The following CCDC85C variants were observed in gnomAD, a reference collection of about 807,000 sequenced individuals.
CCDC85C encodes the protein coiled-coil domain-containing protein 85C.
CCDC85C carries 18 observed loss-of-function variants against 38.3 expected under a neutral mutation model. The ratio of observed to expected loss-of-function variants is 0.47; its 90% confidence interval spans 0.33 to 0.70. CCDC85C has a LOEUF of 0.70. Among genes scored for constraint, CCDC85C ranks in the 30% least tolerant of loss-of-function variants. The probability of loss-of-function intolerance (pLI) is 0.03; values close to 1 mark genes in which losing one functional copy is unlikely to be tolerated. For missense variants in CCDC85C, 566 were observed against 621.2 expected, an observed-to-expected ratio of 0.91 and a Z score of 0.94; for synonymous variants, 264 against 293.8, an observed-to-expected ratio of 0.90 and a Z score of 1.04.
At chr14:99,571,849 C>T (rs995537891) in intron 1 of CCDC85C, among the ~76,000 whole-genome samples, 13 of 152,160 alleles carry the variant, frequency 8.5e-5, no homozygotes, top group African/African-American at 3.1e-4. Context: ...ACAACAAATC[C>T]CACCTGCCCC....
intron 1 of CCDC85C, among the ~76,000 whole-genome samples, chr14:99,552,597 C>T (rs12883531): frequency 0.53 from 80,624 of 151,852 alleles, 21,578 homozygotes; most frequent in African/African-American, 0.58. Flanking sequence ...TCCTGGCCAG[C>T]TGAAGGTGCT....
chr14:99,529,905 CT>C (rs1426831904), intron 2 of CCDC85C, among the ~76,000 whole-genome samples: 2 of 152,250 alleles, frequency 1.3e-5, no homozygotes, highest in African/African-American at 4.8e-5. Context: ...ACTCCCAGTC[CT>C]TCCCACAATT....
At position 99,502,486 on chromosome 14, in the gene CCDC85C, A is replaced by G. The variant is rs1896857770; in HGVS notation, c.*12760T>C. 7.0e-6 allele frequency: 10 copies of G among 1,434,234 alleles called. No individual in the cohort carries two copies. The African/African-American group carries it at 7.2e-5, about 10-fold the overall frequency. The allele number at this position is 1,434,234 out of a possible 1,614,324, so 88.8% of individuals were successfully genotyped here. A position where few individuals can be genotyped will look rare whatever the true frequency, so the allele number is the denominator to read the frequency against. On this transcript the variant is annotated 3_prime_UTR_variant, in exon 6 of 6. Coordinates refer to ENST00000380243, the MANE Select transcript of CCDC85C (RefSeq NM_001144995.2). ...TTTCCCAGATAGACATATGTGAGCA[A>G]TATTTCAGAAGCATCATTAATTAAA...
At chr14:99,552,373 C>T (rs1291625802) in intron 1 of CCDC85C, among the ~76,000 whole-genome samples, 1 of 152,226 alleles carries the variant, frequency 6.6e-6, no homozygotes, top group Non-Finnish European at 1.5e-5. Context: ...CAGGACCAGG[C>T]CCTTGCAGGG....
rs1000781591 is a variant in CCDC85C, at chr14:99,516,337, G to A, written c.1072-51C>T. 15 of 1,372,190 alleles carry A rather than the reference G, an allele frequency of 1.1e-5. No individual in the cohort carries two copies. Among genetic ancestry groups the A allele is most frequent in the African/African-American group, 5.7e-5 (4 of 69,650 alleles). The allele number at this position is 1,372,190 out of a possible 1,614,324, so 85.0% of individuals were successfully genotyped here. ...GGGGCAGAGGCCACCGGCAGACCTC[G>A]GGCAAGTCACCTGGCCCCTGATCCT... On this transcript the variant is annotated intron_variant, in intron 4 of 5. Transcript: ENST00000380243. The surrounding 1 kb of genome is among the most constrained non-coding windows in gnomAD (Gnocchi z 5.5).
At chr14:99,577,344 G>C (rs1275843625) in intron 1 of CCDC85C, among the ~76,000 whole-genome samples, 1 of 150,564 alleles carries the variant, frequency 6.6e-6, no homozygotes, top group Non-Finnish European at 1.5e-5. Flanking sequence ...AGAGAGGGCT[G>C]ACGGCGTGTC....
At chr14:99,585,031 G>C (rs1030863858) in intron 1 of CCDC85C, among the ~76,000 whole-genome samples, 1 of 152,164 alleles carries the variant, frequency 6.6e-6, no homozygotes, top group South Asian at 2.1e-4. Flanking sequence ...GGAGATGGAG[G>C]CTGCAGTGAG....
Position 99,503,609 on chromosome 14 carries a change from AG to A in CCDC85C, c.*11636del. On this transcript the variant is annotated 3_prime_UTR_variant, in exon 6 of 6. Coordinates refer to ENST00000380243, the MANE Select transcript of CCDC85C (RefSeq NM_001144995.2). ...ACAATTGTGTATTTTCTTTTGTAACAGGTTGTTTCTCCCAAAGAAGAGAACA... is the reference window on the plus strand; with the variant it reads ...ACAATTGTGTATTTTCTTTTGTAACAGTTGTTTCTCCCAAAGAAGAGAACA... 1 of 1,558,614 alleles carries A rather than the reference AG, an allele frequency of 6.4e-7. No homozygotes were observed.
chr14:99,594,602 G>A (rs1178185270), intron 1 of CCDC85C, among the ~76,000 whole-genome samples: 3 of 152,216 alleles, frequency 2.0e-5, no homozygotes, highest in African/African-American at 7.2e-5. Context: ...TAGGACCACT[G>A]AGTGACCGAT....
At chr14:99,534,574 G>T in intron 2 of CCDC85C, 1 of 700,652 alleles carries the variant, frequency 1.4e-6, no homozygotes, top group Non-Finnish European at 2.6e-6. Flanking sequence ...CCAGAGGCAG[G>T]ACTGCCTCTC....
chr14:99,510,562 C>G lies in CCDC85C; in HGVS notation c.*4684G>C. 2.5e-6 allele frequency: 1 copy of G among 402,516 alleles called. No homozygotes were observed. Among genetic ancestry groups the G allele is most frequent in the South Asian group, 1.9e-5 (1 of 51,522 alleles). 24.9% of individuals were successfully genotyped at this position (402,516 alleles called of 1,614,324 possible). ...CCACCCCCTACTCCTGGCTACCCCC[C>G]ACCCCCACCCACCTACAACCCCAAC... On this transcript the variant is annotated 3_prime_UTR_variant, in exon 6 of 6. Coordinates refer to ENST00000380243, the MANE Select transcript of CCDC85C (RefSeq NM_001144995.2).
intron 1 of CCDC85C, among the ~76,000 whole-genome samples, chr14:99,537,596 C>A (rs1897629326): frequency 1.3e-5 from 2 of 152,090 alleles, no homozygotes; most frequent in African/African-American, 2.4e-5. Context: ...AGCCTCCCCT[C>A]CTCCTCCAGC....
intron 1 of CCDC85C, among the ~76,000 whole-genome samples, chr14:99,552,386 G>C (rs148741333): frequency 0.013 from 1,940 of 152,334 alleles, 32 homozygotes; most frequent in African/African-American, 0.044. Flanking sequence ...TTGCAGGGAG[G>C]GGGAGGCGCA....
At chr14:99,541,108 AC>A (rs766680141) in intron 1 of CCDC85C, among the ~76,000 whole-genome samples, 48 of 152,304 alleles carry the variant, frequency 3.2e-4, no homozygotes, top group Non-Finnish European at 5.9e-4. Flanking sequence ...CACCTCTGTG[AC>A]CTTCCTTCCC....
intron 1 of CCDC85C, among the ~76,000 whole-genome samples, chr14:99,586,235 C>T (rs547800426): frequency 9.8e-5 from 15 of 152,340 alleles, no homozygotes; most frequent in African/African-American, 2.6e-4. Flanking sequence ...AGCTCAGAGA[C>T]GCCAGGCCCC....
Position 99,580,128 on chromosome 14 carries a change from G to C in CCDC85C, c.793+23039C>G, listed in dbSNP as rs993061204. 14 of 455,710 alleles carry C rather than the reference G, an allele frequency of 3.1e-5. No individual in the cohort carries two copies. The Admixed American group carries it at 3.3e-4, about 11-fold the overall frequency. The allele number at this position is 455,710 out of a possible 1,614,324, so 28.2% of individuals were successfully genotyped here. The stretch of plus-strand genomic sequence containing the variant: ...GTCAGCAAAGTGGCTGGAGCTGCTG[G>C]GACAGACAGCCTGTGCAGGCCTGGC... On this transcript the variant is annotated intron_variant, in intron 1 of 5. Coordinates refer to ENST00000380243, the MANE Select transcript of CCDC85C (RefSeq NM_001144995.2).
chr14:99,526,635 C>T (rs180831942), intron 2 of CCDC85C, among the ~76,000 whole-genome samples: 63 of 152,256 alleles, frequency 4.1e-4, no homozygotes, highest in African/African-American at 1.4e-3. Flanking sequence ...GGGAACACCC[C>T]GTCCCCAAGA....
rs144925029 is a variant in CCDC85C at position 99,578,308 on chromosome 14, AGTGT to A, written c.793+24855_793+24858del. 7.8e-3 allele frequency among the ~76,000 whole-genome samples: 819 copies of A among 104,654 alleles called. 5 individuals carry two copies. The highest frequency in any genetic ancestry group is 0.012 in the African/African-American group (301 of 25,000). The allele number at this position is 104,654 out of a possible 152,430, so 68.7% of individuals were successfully genotyped here. On this transcript the variant is annotated intron_variant, in intron 1 of 5. Transcript: ENST00000380243. ...TACAGCCCATCCTATATCCCCCATC[AGTGT>A]GTGTGTGTGTGTGTGTGTGTGTGTA...
intron 2 of CCDC85C, 122 bp from the exon 3 acceptor site, chr14:99,522,362 A>C (rs1022400561): frequency 7.7e-6 from 5 of 649,556 alleles, no homozygotes; most frequent in Non-Finnish European, 7.9e-6. Context: ...GGACCCCTCC[A>C]CCCTCCCCTC....
Sources: allele counts gnomAD v4.1 joint callset (sites outside exome capture counted in the v4.1 genomes callset), GRCh38; gene constraint gnomAD v4.1.1; non-coding constraint Gnocchi (gnomAD v3.1); transcripts MANE v1.5; gene names NCBI Gene and HGNC (gene_info 2026-07-23, HGNC 2026-07-21).